Variants in ACADSB observed in about 807,000 individuals in gnomAD.
ACADSB encodes the protein short/branched chain specific acyl-CoA dehydrogenase, mitochondrial.
A neutral mutation model predicts 54.1 loss-of-function variants in ACADSB; 40 were observed. The ratio of observed to expected loss-of-function variants is 0.74; its 90% CI spans 0.57 to 0.96. The LOEUF (loss-of-function observed/expected upper bound fraction) is 0.96. Among genes scored for constraint, ACADSB ranks in the 40% least tolerant of loss-of-function variants. The pLI, the probability that ACADSB is intolerant of heterozygous loss-of-function variation, is 0.00. For missense variants in ACADSB, 530 were observed against 510.4 expected (o/e 1.04, Z -0.37); for synonymous variants, 182 against 182.8 (o/e 1.00, Z 0.03).
chr10:123,015,362 T>C (rs1437615108), intron 1 of ACADSB, among the ~76,000 whole-genome samples: 1 of 152,210 alleles, frequency 6.6e-6, no homozygotes, highest in Non-Finnish European at 1.5e-5. Context: ...GTTTTTGTTG[T>C]TGTTGTTCCT....
At chr10:123,034,943 CTTTCTTTTT>C (rs1850377684) in intron 2 of ACADSB, among the ~76,000 whole-genome samples, 1 of 145,430 alleles carries the variant, frequency 6.9e-6, no homozygotes, top group Admixed American at 6.8e-5. Flanking sequence ...TTCTTTCTTT[CTTTCTTTTT>C]TTTCTTTTTT....
At chr10:123,046,929 G>T (rs1422980788) in intron 7 of ACADSB, among the ~76,000 whole-genome samples, 2 of 152,166 alleles carry the variant, frequency 1.3e-5, no homozygotes, top group South Asian at 2.1e-4. Context: ...ACCTAAAAAG[G>T]TTGTGTGAAC....
intron 6 of ACADSB, among the ~76,000 whole-genome samples, 164 bp from the exon 7 acceptor site, chr10:123,044,229 C>T (rs959317609): frequency 5.3e-5 from 8 of 152,114 alleles, no homozygotes; most frequent in Non-Finnish European, 1.0e-4. Context: ...AGTCCTTTTC[C>T]TCAGAGAGCT....
intron 7 of ACADSB, among the ~76,000 whole-genome samples, chr10:123,045,179 T>A (rs1479124832): frequency 1.8e-4 from 14 of 75,688 alleles, no homozygotes; most frequent in African/African-American, 3.6e-4. Flanking sequence ...ATATTTTTTT[T>A]TTTTTTTTTT....
At chr10:123,020,404 A>G (rs1410849217) in intron 1 of ACADSB, among the ~76,000 whole-genome samples, 1 of 152,178 alleles carries the variant, frequency 6.6e-6, no homozygotes, top group Middle Eastern at 3.2e-3. Context: ...CTTCAGCTTA[A>G]AAGAAGCATT....
intron 1 of ACADSB, among the ~76,000 whole-genome samples, chr10:123,029,274 A>T (rs1850294519): frequency 6.6e-6 from 1 of 151,884 alleles, no homozygotes; most frequent in Non-Finnish European, 1.5e-5. Context: ...TAAACCCAGG[A>T]GGTGCAGTTT....
At chr10:123,042,504 A>C (rs1315268141) in intron 5 of ACADSB, among the ~76,000 whole-genome samples, 1 of 120,242 alleles carries the variant, frequency 8.3e-6, no homozygotes, top group East Asian at 2.4e-4. Flanking sequence ...CTAGTTGCCT[A>C]GACTGGAGTG....
chr10:123,009,182 C>A, intron 1 of ACADSB, 111 bp downstream of exon 1: 1 of 1,210,844 alleles, frequency 8.3e-7, no homozygotes, highest in Non-Finnish European at 1.2e-6. Flanking sequence ...GAGCCCCGCT[C>A]CACGTCCTGG....
chr10:123,057,394 T>C lies in ACADSB; in HGVS notation c.*3629T>C, dbSNP rs1042307804. The C allele has an allele frequency of 4.6e-5, 7 of 152,344 alleles. No homozygotes were observed. The highest frequency in any genetic ancestry group is 1.7e-4 in the African/African-American group (7 of 41,580). 9.4% of individuals were successfully genotyped at this position (152,344 alleles called of 1,614,324 possible). The stretch of plus-strand genomic sequence containing the variant: ...CATCAGTAAATGTGTTATTTTGTCA[T>C]TTTTCCAAAGAGAGTGTTGTAGGTT... On this transcript the variant is annotated 3_prime_UTR_variant, in exon 11 of 11. Coordinates refer to ENST00000358776, the MANE Select transcript of ACADSB (RefSeq NM_001609.4).
Position 123,047,526 on chromosome 10 carries a change from C to T in ACADSB, c.990+228C>T, listed in dbSNP as rs143341247. 4.9e-3 allele frequency among the ~76,000 whole-genome samples: 745 copies of T among 152,194 alleles called. 3 individuals carry two copies. Among genetic ancestry groups the T allele is most frequent in the African/African-American group, 0.017 (709 of 41,540 alleles). On this transcript the variant is annotated intron_variant, in intron 8 of 10. Coordinates refer to ENST00000358776, the MANE Select transcript of ACADSB (RefSeq NM_001609.4). ...AGCTATGGCATGATTCAGGATATCT[C>T]GGTGAGCACCGTGAAGCTGTCTCCT...
At position 123,013,685 on chromosome 10, in the gene ACADSB, C is replaced by T. The variant is rs1015761859; in HGVS notation, c.42+4614C>T. 3.9e-5 allele frequency among the ~76,000 whole-genome samples: 6 copies of T among 152,246 alleles called. No homozygotes were observed. The East Asian group carries it at 5.8e-4, about 15-fold the overall frequency. ...AGCTAAGGCCTGGCTAGAAATCGAG[C>T]GCGGCGCCGGTGGGCCAGCACTGCT... On this transcript the variant is annotated intron_variant, in intron 1 of 10. Transcript: ENST00000358776.
chr10:123,021,068 T>G (rs975258915), intron 1 of ACADSB, among the ~76,000 whole-genome samples: 1 of 152,136 alleles, frequency 6.6e-6, no homozygotes, highest in Non-Finnish European at 1.5e-5. Context: ...TCTCCTGTCT[T>G]CTTCTTCTAT....
rs1850684652 is a variant in ACADSB, at chr10:123,054,932, A to G, written c.*1167A>G. 6.6e-6 allele frequency: 1 copy of G among 152,200 alleles called. No individual in the cohort carries two copies. Among genetic ancestry groups the G allele is most frequent in the Admixed American group, 6.5e-5 (1 of 15,278 alleles). The allele number at this position is 152,200 out of a possible 1,614,324, so 9.4% of individuals were successfully genotyped here. A position where few individuals can be genotyped will look rare whatever the true frequency, so the allele number is the denominator to read the frequency against. ...TAATTCAGAAATTGGGTTTTGGTTC[A>G]GTGATTCTCAAGAAAAAGATCTCTT... On this transcript the variant is annotated 3_prime_UTR_variant, in exon 11 of 11. Transcript: ENST00000358776.
chr10:123,039,456 A>G (rs1850442824), intron 3 of ACADSB, among the ~76,000 whole-genome samples: 1 of 152,202 alleles, frequency 6.6e-6, no homozygotes, highest in African/African-American at 2.4e-5. Flanking sequence ...TGAGAGTACT[A>G]TGTGAGTTTC....
intron 2 of ACADSB, 139 bp downstream of exon 2, chr10:123,034,654 C>T: frequency 1.1e-6 from 1 of 890,852 alleles, no homozygotes; most frequent in Non-Finnish European, 1.8e-6. Context: ...GGAAAAATAT[C>T]ACCTTATTAT....
chr10:123,055,327 TC>T lies in ACADSB; in HGVS notation c.*1563del. The stretch of plus-strand genomic sequence containing the variant: ...AAAGTGGAAACCCCTAATAAACCTA[TC>T]AGATCTTGTGAGACTTACTATCACG... On this transcript the variant is annotated 3_prime_UTR_variant, in exon 11 of 11. Coordinates refer to ENST00000358776, the MANE Select transcript of ACADSB (RefSeq NM_001609.4). 1 of 177,172 alleles carries T rather than the reference TC, an allele frequency of 5.6e-6. No individual in the cohort carries two copies. The allele number at this position is 177,172 out of a possible 1,614,324, so 11.0% of individuals were successfully genotyped here. A position where few individuals can be genotyped will look rare whatever the true frequency, so the allele number is the denominator to read the frequency against.
At chr10:123,009,124 G>A (rs1849958410) in intron 1 of ACADSB, 53 bp downstream of exon 1, 1 of 1,527,454 alleles carries the variant, frequency 6.5e-7, no homozygotes, top group Non-Finnish European at 8.8e-7. Context: ...CTTGGCCCCT[G>A]GAATCGCAGC....
At chr10:123,030,692 A>C (rs1017310512) in intron 1 of ACADSB, among the ~76,000 whole-genome samples, 1 of 152,192 alleles carries the variant, frequency 6.6e-6, no homozygotes, top group Non-Finnish European at 1.5e-5. Flanking sequence ...CTAGGTTTAA[A>C]GCACTTTAAG....
rs537191963 is a variant in ACADSB, at chr10:123,036,957, T to C, written c.203-790T>C. Among the ~76,000 whole-genome samples, 6 of 152,338 alleles carry C rather than the reference T, an allele frequency of 3.9e-5. No homozygotes were observed. The South Asian group carries it at 1.2e-3, about 32-fold the overall frequency. The stretch of plus-strand genomic sequence containing the variant: ...ACTTGGTATTACATTGGTAGTAAAC[T>C]TAAGAAGGTGTTTTCATCAAAATGA... On this transcript the variant is annotated intron_variant, in intron 2 of 10. Coordinates refer to ENST00000358776, the MANE Select transcript of ACADSB (RefSeq NM_001609.4).
Sources: gnomAD v4.1 joint callset for allele counts (sites outside exome capture counted in the v4.1 genomes callset) on GRCh38, gnomAD v4.1.1 for gene constraint, MANE v1.5 for transcripts, NCBI Gene and HGNC (gene_info 2026-07-23, HGNC 2026-07-21) for gene names.